Variants in KCNH7 observed in about 807,000 individuals in gnomAD.
KCNH7 encodes the protein potassium voltage-gated channel subfamily H member 7.
Under a neutral mutation model 120.8 loss-of-function variants are expected in KCNH7, and 49 were observed. The observed-to-expected ratio is 0.41, with a 90% CI of 0.32 to 0.51. The LOEUF (loss-of-function observed/expected upper bound fraction) is 0.51. Among genes scored for constraint, KCNH7 ranks in the 20% least tolerant of loss-of-function variants. The pLI is 0.38. For missense variants in KCNH7, 1,097 were observed against 1,446.6 expected, an observed-to-expected ratio of 0.76 and a Z score of 3.92; for synonymous variants, 547 against 516.1, an observed-to-expected ratio of 1.06 and a Z score of -0.81.
chr2:162,760,485 C>T (rs1014698691), intron 2 of KCNH7, among the ~76,000 whole-genome samples: 3 of 152,022 alleles, frequency 2.0e-5, no homozygotes, highest in Non-Finnish European at 4.4e-5. Context: ...AATAATTCTG[C>T]GTCCCCTTAA....
intron 6 of KCNH7, 130 bp from the exon 7 acceptor site, chr2:162,446,573 T>G: frequency 1.5e-6 from 1 of 680,800 alleles, no homozygotes; most frequent in Middle Eastern, 4.2e-4. Flanking sequence ...TTGGAAGTAT[T>G]TATGAAACAC....
At chr2:162,466,722 T>C (rs1033455910) in intron 6 of KCNH7, among the ~76,000 whole-genome samples, 1 of 152,192 alleles carries the variant, frequency 6.6e-6, no homozygotes, top group Non-Finnish European at 1.5e-5. Context: ...CTTTTTTCAT[T>C]TGAGGACAGG....
At chr2:162,406,594 A>T (rs1482707319) in intron 9 of KCNH7, among the ~76,000 whole-genome samples, 1 of 151,992 alleles carries the variant, frequency 6.6e-6, no homozygotes, top group Non-Finnish European at 1.5e-5. Context: ...ACACAAATTA[A>T]CACTCCCTAT....
chr2:162,708,612 T>C (rs1401154463), intron 2 of KCNH7, among the ~76,000 whole-genome samples: 1 of 151,928 alleles, frequency 6.6e-6, no homozygotes, highest in East Asian at 1.9e-4. Context: ...GATTTAGGGG[T>C]GAAACGAGGG....
intron 2 of KCNH7, among the ~76,000 whole-genome samples, chr2:162,576,937 G>T (rs1693690826): frequency 6.6e-6 from 1 of 151,554 alleles, no homozygotes; most frequent in African/African-American, 2.4e-5. Context: ...TTGGAGACAG[G>T]ATCTTGCTCT....
At chr2:162,519,229 G>A (rs912570421) in intron 3 of KCNH7, among the ~76,000 whole-genome samples, 2 of 151,708 alleles carry the variant, frequency 1.3e-5, no homozygotes, top group Non-Finnish European at 2.9e-5. Context: ...CCACATATGG[G>A]ATATTGCAAA....
intron 2 of KCNH7, among the ~76,000 whole-genome samples, chr2:162,590,040 GTGTT>G (rs1694157274): frequency 6.6e-6 from 1 of 152,100 alleles, no homozygotes; most frequent in South Asian, 2.1e-4. Flanking sequence ...AATTCAGAAA[GTGTT>G]TGTTAAGGGA....
intron 2 of KCNH7, among the ~76,000 whole-genome samples, chr2:162,638,723 C>A (rs1218655768): frequency 6.6e-6 from 1 of 151,892 alleles, no homozygotes; most frequent in African/African-American, 2.4e-5. Flanking sequence ...GGCTGGTGAC[C>A]CAACTCAGAT....
intron 7 of KCNH7, among the ~76,000 whole-genome samples, chr2:162,445,258 C>T (rs570418029): frequency 6.6e-6 from 1 of 152,062 alleles, no homozygotes; most frequent in African/African-American, 2.4e-5. Flanking sequence ...GAAAAAGACA[C>T]AATTTTTAAA....
At chr2:162,435,074 T>C in intron 8 of KCNH7, 124 bp downstream of exon 8, 1 of 865,846 alleles carries the variant, frequency 1.2e-6, no homozygotes. Flanking sequence ...TACCCATATA[T>C]GTAATCCCAT....
At chr2:162,631,384 T>G (rs557425962) in intron 2 of KCNH7, among the ~76,000 whole-genome samples, 1 of 152,192 alleles carries the variant, frequency 6.6e-6, no homozygotes, top group East Asian at 1.9e-4. Flanking sequence ...CTGTGATGAT[T>G]GTGTGTAACA....
rs1182249388 is a variant in KCNH7 at position 162,821,416 on chromosome 2, T to C, written c.307+15121A>G. Among the ~76,000 whole-genome samples, 8 of 152,198 alleles carry C rather than the reference T, an allele frequency of 5.3e-5. No homozygotes were observed. The East Asian group carries it at 1.5e-3, about 29-fold the overall frequency. ...CTTTAGAGGAATTCTGACTCATTTC[T>C]CCAGATTGCAAGATACTGTCTTTGT... On this transcript the variant is annotated intron_variant, in intron 2 of 15. Transcript: ENST00000332142.
At chr2:162,770,047 A>C (rs977951868) in intron 2 of KCNH7, among the ~76,000 whole-genome samples, 1 of 152,104 alleles carries the variant, frequency 6.6e-6, no homozygotes, top group African/African-American at 2.4e-5. Flanking sequence ...TTAAATTTTT[A>C]GTAACATTAA....
intron 8 of KCNH7, among the ~76,000 whole-genome samples, chr2:162,433,938 T>C (rs1001358798): frequency 1.3e-5 from 2 of 152,052 alleles, no homozygotes; most frequent in Non-Finnish European, 2.9e-5. Context: ...TATATGTTCA[T>C]TGCAGCAGTA....
At chr2:162,610,023 T>C (rs528333661) in intron 2 of KCNH7, among the ~76,000 whole-genome samples, 2 of 152,352 alleles carry the variant, frequency 1.3e-5, no homozygotes, top group East Asian at 3.9e-4. Flanking sequence ...ACACTTACTG[T>C]GTGTCTCTTT....
intron 8 of KCNH7, 138 bp downstream of exon 8, chr2:162,435,060 A>G: frequency 1.3e-6 from 1 of 771,562 alleles, no homozygotes; most frequent in Non-Finnish European, 2.0e-6. Context: ...TTGATGGAAT[A>G]CAGTACCCAT....
At position 162,518,131 on chromosome 2, in the gene KCNH7, C is replaced by T; in HGVS notation, c.491G>A (p.Gly164Asp). The change falls in exon 4 of 16, where the codon GGT becomes GAT. Residue 164 changes from glycine (G) to aspartate (D), a missense_variant. This residue lies in a region of KCNH7 where 362 missense variants were observed against 372.2 expected (regional missense o/e 0.97). Coordinates refer to ENST00000332142, the MANE Select transcript of KCNH7 (RefSeq NM_033272.4). ...CTTTCTGTAAGTGAGAACTCTCAGA[C>T]CAGGGAATTTGAACCCAAAAAATTT... ...NRKFFGFKFP[G>D]LRVLTYRKQS... is the part of the protein sequence containing the mutation. 6.2e-7 allele frequency: 1 copy of T among 1,609,948 alleles called. No individual in the cohort carries two copies. The highest frequency in any genetic ancestry group is 8.5e-7 in the Non-Finnish European group (1 of 1,177,458).
intron 3 of KCNH7, among the ~76,000 whole-genome samples, chr2:162,523,303 G>A (rs1452629783): frequency 6.6e-6 from 1 of 151,698 alleles, no homozygotes; most frequent in Non-Finnish European, 1.5e-5. Context: ...TCCCACCAAA[G>A]CCCTTCAACA....
At chr2:162,639,605 T>G (rs1574206008) in intron 2 of KCNH7, among the ~76,000 whole-genome samples, 1 of 152,218 alleles carries the variant, frequency 6.6e-6, no homozygotes, top group South Asian at 2.1e-4. Flanking sequence ...CTAACCATAA[T>G]GACAAAATTA....
Sources: gnomAD v4.1 joint callset for allele counts (sites outside exome capture counted in the v4.1 genomes callset) on GRCh38, gnomAD v4.1.1 for gene constraint, gnomAD v4.1.1 regional missense constraint, MANE v1.5 for transcripts, NCBI Gene and HGNC (gene_info 2026-07-23, HGNC 2026-07-21) for gene names.